Variants in PLEKHB2 observed in about 807,000 individuals in gnomAD.
PLEKHB2 encodes pleckstrin homology domain-containing family B member 2.
In PLEKHB2, 31 loss-of-function variants were observed where a neutral mutation model predicts 36.5. The observed-to-expected ratio is 0.85, with a 90% CI of 0.64 to 1.15. The LOEUF (loss-of-function observed/expected upper bound fraction) is 1.15, where lower values mean the gene tolerates loss of function less well. Ranked by LOEUF, PLEKHB2 falls within the 50% of genes most tolerant of loss-of-function variation. The pLI, the probability that PLEKHB2 is intolerant of heterozygous loss-of-function variation, is 0.00. For missense variants in PLEKHB2, 262 were observed against 295.3 expected (o/e 0.89, Z 0.83); for synonymous variants, 119 against 112.0 (o/e 1.06, Z -0.39).
intron 1 of PLEKHB2, among the ~76,000 whole-genome samples, chr2:131,115,372 T>TTTTTTC: frequency 8.2e-6 from 1 of 122,380 alleles, no homozygotes; most frequent in East Asian, 2.2e-4. Flanking sequence ...TTTTTTTTTT[T>TTTTTTC]GAGATGGAGT....
At chr2:131,134,144 C>G (rs1445513671) in intron 6 of PLEKHB2, among the ~76,000 whole-genome samples, 1 of 152,078 alleles carries the variant, frequency 6.6e-6, no homozygotes, top group African/African-American at 2.4e-5. Context: ...CATGATCCGC[C>G]CACCTCGGCC....
chr2:131,108,645 T>C (rs1344110027), intron 1 of PLEKHB2, among the ~76,000 whole-genome samples: 3 of 151,948 alleles, frequency 2.0e-5, no homozygotes, highest in Non-Finnish European at 4.4e-5. Flanking sequence ...TGCAAAAAAA[T>C]CTCATAACGT....
intron 7 of PLEKHB2, among the ~76,000 whole-genome samples, chr2:131,142,029 C>A (rs1007662158): frequency 3.3e-5 from 5 of 152,184 alleles, no homozygotes; most frequent in African/African-American, 1.2e-4. Context: ...AGGTGGGAAT[C>A]CACCATGGAT....
At chr2:131,128,018 A>G (rs1697267266) in intron 4 of PLEKHB2, among the ~76,000 whole-genome samples, 1 of 152,206 alleles carries the variant, frequency 6.6e-6, no homozygotes, top group Admixed American at 6.5e-5. Flanking sequence ...GAATATGCTC[A>G]GAAGAGAGTG....
At chr2:131,137,032 C>T (rs1421997490) in intron 6 of PLEKHB2, among the ~76,000 whole-genome samples, 6 of 150,936 alleles carry the variant, frequency 4.0e-5, no homozygotes, top group East Asian at 1.9e-4. Flanking sequence ...CTGCAAGCTC[C>T]GCCTCCCGTG....
intron 6 of PLEKHB2, 129 bp from the exon 7 acceptor site, chr2:131,140,036 ACT>A: frequency 1.7e-6 from 1 of 596,214 alleles, no homozygotes; most frequent in Non-Finnish European, 3.0e-6. Context: ...GCCTAACCAC[ACT>A]GTTTCATGTT....
chr2:131,141,639 C>CAA lies in PLEKHB2; in HGVS notation c.532+1384_532+1385dup, dbSNP rs771541896. Among the ~76,000 whole-genome samples, 158 of 56,940 alleles carry CAA rather than the reference C, an allele frequency of 2.8e-3. 1 individual carries two copies. Among genetic ancestry groups the CAA allele is most frequent in the African/African-American group, 7.0e-3 (144 of 20,522 alleles). The allele number at this position is 56,940 out of a possible 152,430, so 37.4% of individuals were successfully genotyped here. On this transcript the variant is annotated intron_variant, in intron 7 of 7. Transcript: ENST00000693505. ...TGGGCGACAGAACGAGACTCCGTCTCAAAAAAAAAAAAAAAAAAAAAGTAA... is the reference window on the plus strand; with the variant it reads ...TGGGCGACAGAACGAGACTCCGTCTCAAAAAAAAAAAAAAAAAAAAAAAGTAA...
intron 7 of PLEKHB2, chr2:131,144,334 T>C (rs1255856211): frequency 3.4e-6 from 2 of 591,120 alleles, no homozygotes; most frequent in Non-Finnish European, 5.0e-6. Flanking sequence ...CGTTCGGCTC[T>C]CCTATAATGT....
chr2:131,144,857 C>G (rs1699126632), intron 7 of PLEKHB2, among the ~76,000 whole-genome samples: 1 of 152,182 alleles, frequency 6.6e-6, no homozygotes, highest in Non-Finnish European at 1.5e-5. Flanking sequence ...CTCACAAGTT[C>G]TATTGTGTTA....
chr2:131,115,614 A>G (rs974193287), intron 1 of PLEKHB2, among the ~76,000 whole-genome samples: 1 of 152,050 alleles, frequency 6.6e-6, no homozygotes, highest in African/African-American at 2.4e-5. Context: ...CAGTCTCCCA[A>G]AATGCCGGGA....
At chr2:131,113,457 T>C (rs1186071365) in intron 1 of PLEKHB2, among the ~76,000 whole-genome samples, 3 of 152,188 alleles carry the variant, frequency 2.0e-5, no homozygotes, top group Non-Finnish European at 4.4e-5. Context: ...TTGATTGTTG[T>C]GACGTGAGAG....
rs1355964950 is a variant in PLEKHB2 at position 131,140,201 on chromosome 2, AC to A, written c.461del (p.Pro154ArgfsTer62). ...GGCTATGGGCCATACGGTGGTGCGT[AC>A]CCGCCAGGAACTCAAGTTGTCTACG... ...AYGYGPYGGA[Y>X]PPGTQVVYAA... On this transcript the variant is annotated frameshift_variant, in exon 7 of 8. Transcript: ENST00000693505. LOFTEE classifies it high-confidence loss of function. The A allele has an allele frequency of 3.1e-6, 5 of 1,613,546 alleles. No individual in the cohort carries two copies. The highest frequency in any genetic ancestry group is 4.2e-6 in the Non-Finnish European group (5 of 1,179,606).
At chr2:131,117,426 A>C (rs990671203) in intron 1 of PLEKHB2, among the ~76,000 whole-genome samples, 1 of 152,152 alleles carries the variant, frequency 6.6e-6, no homozygotes, top group Non-Finnish European at 1.5e-5. Flanking sequence ...GAAACAAACA[A>C]ACCCATTAGA....
chr2:131,117,053 C>T (rs535073441), intron 1 of PLEKHB2, among the ~76,000 whole-genome samples: 30 of 151,388 alleles, frequency 2.0e-4, no homozygotes, highest in African/African-American at 6.3e-4. Flanking sequence ...ACCTCAGAGG[C>T]GGAGGTTGCA....
intron 7 of PLEKHB2, chr2:131,144,324 C>G (rs1266901206): frequency 2.0e-6 from 1 of 504,976 alleles, no homozygotes. Context: ...AGTGGGTGTT[C>G]GTTCGGCTCT....
At chr2:131,146,523 G>A (rs775206842) in intron 7 of PLEKHB2, 114 bp from the exon 8 acceptor site, 185 of 1,083,384 alleles carry the variant, frequency 1.7e-4, no homozygotes, top group Non-Finnish European at 2.3e-4. Flanking sequence ...GGGCTGGGTC[G>A]CCAGTGTGAC....
chr2:131,114,397 T>TA (rs1272772617), intron 1 of PLEKHB2, among the ~76,000 whole-genome samples: 1 of 152,236 alleles, frequency 6.6e-6, no homozygotes, highest in African/African-American at 2.4e-5. Flanking sequence ...GTGCTGGGAT[T>TA]ACAGGCGTGA....
rs780722174 is a variant in PLEKHB2, at chr2:131,140,165, A to C, written c.424-2A>C. 4.4e-6 allele frequency: 7 copies of C among 1,593,162 alleles called. No homozygotes were observed. In the South Asian group the frequency reaches 5.6e-5, roughly 13 times the overall value. On this transcript the variant is annotated splice_acceptor_variant, in intron 6 of 7. Coordinates refer to ENST00000693505, the MANE Select transcript of PLEKHB2 (RefSeq NM_001100623.2). LOFTEE classifies it high-confidence loss of function. Reference sequence around the variant, plus strand: ...ATTTCTAATGGGCCTGTTTCTTTTCAGCAGGCTTATGGCTATGGGCCATAC... The same window carrying C: ...ATTTCTAATGGGCCTGTTTCTTTTCCGCAGGCTTATGGCTATGGGCCATAC...
chr2:131,147,874 A>G lies in PLEKHB2; in HGVS notation c.*1101A>G, dbSNP rs1699412422. 6.6e-6 allele frequency: 1 copy of G among 152,130 alleles called. No homozygotes were observed. The highest frequency in any genetic ancestry group is 6.5e-5 in the Admixed American group (1 of 15,268). The allele number at this position is 152,130 out of a possible 1,614,324, so 9.4% of individuals were successfully genotyped here. On this transcript the variant is annotated 3_prime_UTR_variant, in exon 8 of 8. Transcript: ENST00000693505. ...GTGGAGGCAGATTTGCTTTATTCCAAGAGGCTGTTTGAGTGTGTGTCTGCC... is the reference window on the plus strand; with the variant it reads ...GTGGAGGCAGATTTGCTTTATTCCAGGAGGCTGTTTGAGTGTGTGTCTGCC...
Sources: allele counts gnomAD v4.1 joint callset (sites outside exome capture counted in the v4.1 genomes callset), GRCh38; gene constraint gnomAD v4.1.1; transcripts MANE v1.5; gene names NCBI Gene and HGNC (gene_info 2026-07-23, HGNC 2026-07-21).